PEMT: variants seen among roughly 807,000 people sequenced by gnomAD.
PEMT encodes phosphatidylethanolamine N-methyltransferase.
In PEMT, 23 loss-of-function variants were observed where a neutral mutation model predicts 27.4. That is an observed-to-expected ratio of 0.84 (90% CI 0.60 to 1.19). The LOEUF (loss-of-function observed/expected upper bound fraction) is 1.19. Among genes scored for constraint, PEMT ranks in the 50% most tolerant of loss-of-function variants. The pLI, the probability that PEMT is intolerant of heterozygous loss-of-function variation, is 0.00. For synonymous variants in PEMT, 137 were observed against 139.1 expected (o/e 0.98, Z 0.11); for missense variants, 307 against 310.1 (o/e 0.99, Z 0.07).
At chr17:17,584,411 G>A (rs1282143853) in intron 1 of PEMT, among the ~76,000 whole-genome samples, 10 of 152,090 alleles carry the variant, frequency 6.6e-5, no homozygotes. Flanking sequence ...CGCCTGCCTC[G>A]GCCTCCCAAA....
intron 2 of PEMT, among the ~76,000 whole-genome samples, chr17:17,557,535 A>G (rs1276445670): frequency 6.6e-6 from 1 of 152,224 alleles, no homozygotes; most frequent in Admixed American, 6.5e-5. Flanking sequence ...AGGATGCCTA[A>G]GCAGGTCCCT....
rs942750247 is a variant in PEMT, at chr17:17,513,803, A to G, written c.321-1149T>C. Among the ~76,000 whole-genome samples the G allele has an allele frequency of 2.0e-5, 3 of 152,032 alleles. No homozygotes were observed. The highest frequency in any genetic ancestry group is 7.3e-5 in the African/African-American group (3 of 41,356). ...GCCCTGGGTGCTAGATGAGAGGCAC[A>G]CTCACAGGAAAGGCTGTGTGTGGGA... On this transcript the variant is annotated intron_variant, in intron 3 of 6. Transcript: ENST00000255389. This position sits in a 1 kb window ranked among gnomAD's most constrained non-coding sequence, Gnocchi z 4.1.
chr17:17,572,319 T>C (rs1911263929), intron 2 of PEMT, among the ~76,000 whole-genome samples: 1 of 152,222 alleles, frequency 6.6e-6, no homozygotes, highest in South Asian at 2.1e-4. Context: ...ACCTCTGCAA[T>C]GGCTCCCAGC....
chr17:17,553,311 C>T (rs1377354199), intron 2 of PEMT, among the ~76,000 whole-genome samples: 4 of 152,204 alleles, frequency 2.6e-5, no homozygotes, highest in Non-Finnish European at 5.9e-5. Flanking sequence ...GGGCAGTGTC[C>T]GCCCAGAACT....
intron 3 of PEMT, among the ~76,000 whole-genome samples, chr17:17,516,817 C>T (rs1055441413): frequency 6.6e-6 from 1 of 152,142 alleles, no homozygotes; most frequent in Non-Finnish European, 1.5e-5. Context: ...AAGCCTATGC[C>T]AGCTTCCCTG....
chr17:17,545,760 A>G (rs1909216058), intron 2 of PEMT, among the ~76,000 whole-genome samples: 1 of 152,208 alleles, frequency 6.6e-6, no homozygotes, highest in South Asian at 2.1e-4. Flanking sequence ...TAGAGATGCT[A>G]TGATGGAGTG....
intron 2 of PEMT, among the ~76,000 whole-genome samples, chr17:17,527,162 C>T (rs929453992): frequency 5.0e-4 from 76 of 152,316 alleles, no homozygotes; most frequent in Admixed American, 1.4e-3. Context: ...CTCAGCCTCC[C>T]GAGTAGCTGG....
intron 1 of PEMT, among the ~76,000 whole-genome samples, chr17:17,580,571 G>T (rs1911915720): frequency 6.6e-6 from 1 of 152,144 alleles, no homozygotes; most frequent in Non-Finnish European, 1.5e-5. Flanking sequence ...GCTCAGGGAA[G>T]AGTCGTGGCT....
At chr17:17,517,405 C>T (rs567681394) in intron 3 of PEMT, among the ~76,000 whole-genome samples, 1 of 152,242 alleles carries the variant, frequency 6.6e-6, no homozygotes. Flanking sequence ...GAACGCTGCA[C>T]ACGCCCAGCC....
intron 2 of PEMT, among the ~76,000 whole-genome samples, chr17:17,524,210 A>C (rs769773143): frequency 2.0e-5 from 3 of 152,202 alleles, no homozygotes; most frequent in Non-Finnish European, 2.9e-5. Flanking sequence ...ACCAAGGCCA[A>C]AGCCAAGCAA....
chr17:17,570,878 G>A (rs1911152093), intron 2 of PEMT: 5 of 985,430 alleles, frequency 5.1e-6, no homozygotes, highest in Non-Finnish European at 4.8e-6. Context: ...CAGGTGAGAA[G>A]AGGGAGTCCA....
intron 2 of PEMT, among the ~76,000 whole-genome samples, chr17:17,547,073 G>A (rs1309752670): frequency 6.6e-6 from 1 of 152,268 alleles, no homozygotes; most frequent in Non-Finnish European, 1.5e-5. Flanking sequence ...CCGCCTGGGG[G>A]GCACCCAATG....
chr17:17,562,147 G>A (rs1910529137), intron 2 of PEMT, among the ~76,000 whole-genome samples: 1 of 152,234 alleles, frequency 6.6e-6, no homozygotes, highest in Admixed American at 6.5e-5. Flanking sequence ...GGCATAGGGG[G>A]CATGAAGCAC....
chr17:17,569,730 C>T (rs1018007906), intron 2 of PEMT, among the ~76,000 whole-genome samples: 2 of 152,216 alleles, frequency 1.3e-5, no homozygotes, highest in African/African-American at 2.4e-5. Flanking sequence ...ATGTTGGTTA[C>T]ATGCAACTGG....
At chr17:17,554,230 G>T (rs1365649079) in intron 2 of PEMT, among the ~76,000 whole-genome samples, 1 of 152,202 alleles carries the variant, frequency 6.6e-6, no homozygotes, top group Admixed American at 6.5e-5. Context: ...TTAGAGACCC[G>T]GCCCCCTCCC....
intron 2 of PEMT, among the ~76,000 whole-genome samples, chr17:17,525,661 G>A (rs1051113433): frequency 2.6e-5 from 4 of 152,218 alleles, no homozygotes; most frequent in African/African-American, 4.8e-5. Flanking sequence ...TCCTCTCCCC[G>A]GCACTGCCAG....
intron 2 of PEMT, among the ~76,000 whole-genome samples, chr17:17,554,509 C>T (rs996492628): frequency 7.2e-5 from 11 of 152,380 alleles, no homozygotes; most frequent in Admixed American, 5.2e-4. Context: ...AGCCAGCAAA[C>T]GTGAGCTGCG....
intron 1 of PEMT, chr17:17,578,550 C>G (rs1911771720): frequency 6.6e-6 from 1 of 151,842 alleles, no homozygotes; most frequent in Non-Finnish European, 1.5e-5. Context: ...TTCTAAAATG[C>G]ACTGAAAAAT....
intron 1 of PEMT, among the ~76,000 whole-genome samples, chr17:17,590,285 C>G (rs986790582): frequency 1.3e-5 from 2 of 152,214 alleles, no homozygotes; most frequent in South Asian, 2.1e-4. Flanking sequence ...ATCTGGCCAA[C>G]GGTCCTGCGC....
Sources: allele counts gnomAD v4.1 joint callset (sites outside exome capture counted in the v4.1 genomes callset), GRCh38; gene constraint gnomAD v4.1.1; non-coding constraint Gnocchi (gnomAD v3.1); transcripts MANE v1.5; gene names NCBI Gene and HGNC (gene_info 2026-07-23, HGNC 2026-07-21).